Variants in CACNA1C observed in about 807,000 individuals in gnomAD.
CACNA1C encodes calcium voltage-gated channel subunit alpha1 C.
Under a neutral mutation model 229.0 loss-of-function variants are expected in CACNA1C, and 30 were observed. The ratio of observed to expected loss-of-function variants is 0.13; its 90% CI spans 0.10 to 0.18. CACNA1C has a LOEUF of 0.18. Among genes scored for constraint, CACNA1C ranks in the 10% least tolerant of loss-of-function variants. CACNA1C has a pLI of 1.00. For synonymous variants in CACNA1C, 1,114 were observed against 1,132.5 expected (o/e 0.98, Z 0.33); for missense variants, 1,658 against 2,845.0 (o/e 0.58, Z 9.49).
chr12:2,461,616 G>C (rs2099503462), intron 5 of CACNA1C, among the ~76,000 whole-genome samples: 1 of 152,142 alleles, frequency 6.6e-6, no homozygotes, highest in South Asian at 2.1e-4. Flanking sequence ...TAGATAATAA[G>C]TATCTTGCAC....
intron 3 of CACNA1C, among the ~76,000 whole-genome samples, chr12:2,123,398 G>T (rs1485729627): frequency 1.8e-5 from 2 of 111,148 alleles, no homozygotes; most frequent in Non-Finnish European, 3.8e-5. Flanking sequence ...AAAAAAAAAA[G>T]GTTAAGTCTG....
Position 2,653,691 on chromosome 12 carries a change from C to A in CACNA1C, c.4075-144C>A. ...GACCTTCTCGCAGGTTCCCCGTAGT[C>A]CTGTGGGACTCTTGGAAGTGTCCCC... On this transcript the variant is annotated intron_variant, in intron 32 of 46. Transcript: ENST00000399655. This position sits in a 1 kb window ranked among gnomAD's most constrained non-coding sequence, Gnocchi z 4.7. 1 of 686,790 alleles carries A rather than the reference C, an allele frequency of 1.5e-6. No homozygotes were observed. The highest frequency in any genetic ancestry group is 2.1e-5 in the Admixed American group (1 of 46,624). 42.5% of individuals were successfully genotyped at this position (686,790 alleles called of 1,614,324 possible).
chr12:2,000,482 A>T (rs1369563980), intron 1 of CACNA1C, among the ~76,000 whole-genome samples: 1 of 151,958 alleles, frequency 6.6e-6, no homozygotes, highest in African/African-American at 2.4e-5. Context: ...AAAAAAAAAA[A>T]CCTTTAATGC....
Position 2,665,501 on chromosome 12 carries a change from G to C in CACNA1C, c.4399-80G>C. The C allele has an allele frequency of 6.7e-7, 1 of 1,493,114 alleles. No individual in the cohort carries two copies. The highest frequency in any genetic ancestry group is 9.3e-7 in the Non-Finnish European group (1 of 1,079,308). 92.5% of individuals were successfully genotyped at this position (1,493,114 alleles called of 1,614,324 possible). ...AAATGTTGGCTTCTGCCATCAGTAG[G>C]CCCCAGCTGGCAAGGGGGTTCCAGA... is the stretch of plus-strand genomic sequence containing the variant. On this transcript the variant is annotated intron_variant, in intron 35 of 46. Transcript: ENST00000399655. The surrounding 1 kb of genome is among the most constrained non-coding windows in gnomAD (Gnocchi z 5.9).
At position 2,595,004 on chromosome 12, in the gene CACNA1C, G is replaced by T. The variant is rs1362695308; in HGVS notation, c.2664-870G>T. Among the ~76,000 whole-genome samples the T allele has an allele frequency of 6.6e-6, 1 of 152,212 alleles. No individual in the cohort carries two copies. Among genetic ancestry groups the T allele is most frequent in the East Asian group, 1.9e-4 (1 of 5,196 alleles). On this transcript the variant is annotated intron_variant, in intron 19 of 46. Transcript: ENST00000399655. This position sits in a 1 kb window ranked among gnomAD's most constrained non-coding sequence, Gnocchi z 4.1. ...CATACGTAGCCTCAGCTCAGTGGAG[G>T]TTGGTGGGAGGGGTTGTTGGTTTGA...
At position 2,654,828 on chromosome 12, in the gene CACNA1C, G is replaced by C. The variant is rs191148592; in HGVS notation, c.4141-319G>C. Reference sequence around the variant, plus strand: ...GAACTGAAATAGCAAAGAAAATAACGCAGTGCGTCCTGTGTCCTGTCAGAA... The same window carrying C: ...GAACTGAAATAGCAAAGAAAATAACCCAGTGCGTCCTGTGTCCTGTCAGAA... On this transcript the variant is annotated intron_variant, in intron 33 of 46. Transcript: ENST00000399655. The surrounding 1 kb of genome is among the most constrained non-coding windows in gnomAD (Gnocchi z 4.4). Among the ~76,000 whole-genome samples the C allele has an allele frequency of 1.1e-3, 168 of 152,284 alleles. No homozygotes were observed. The highest frequency in any genetic ancestry group is 9.3e-4 in the Non-Finnish European group (63 of 68,030).
intron 28 of CACNA1C, 43 bp downstream of exon 28, chr12:2,610,742 G>A (rs780472455): frequency 6.2e-7 from 1 of 1,604,340 alleles, no homozygotes; most frequent in South Asian, 1.1e-5. Flanking sequence ...GCAGAAGGGA[G>A]TGTGCCATGG....
At chr12:2,278,408 A>G (rs2089781085) in intron 3 of CACNA1C, among the ~76,000 whole-genome samples, 1 of 152,192 alleles carries the variant, frequency 6.6e-6, no homozygotes, top group Admixed American at 6.5e-5. Context: ...TAATCCCAGT[A>G]GCTCAGCCCT....
chr12:2,032,199 C>T (rs943937089), intron 1 of CACNA1C, among the ~76,000 whole-genome samples: 21 of 152,066 alleles, frequency 1.4e-4, no homozygotes, highest in African/African-American at 4.6e-4. Flanking sequence ...TGGTCCCAAA[C>T]ACCCATCCAT....
chr12:2,327,610 G>A (rs571370261), intron 3 of CACNA1C, among the ~76,000 whole-genome samples: 5 of 152,332 alleles, frequency 3.3e-5, no homozygotes, highest in Admixed American at 2.6e-4. Flanking sequence ...AGGTGTTCGT[G>A]TGGTGTGAGC....
chr12:2,389,797 C>T (rs1241679648), intron 3 of CACNA1C, among the ~76,000 whole-genome samples: 1 of 152,170 alleles, frequency 6.6e-6, no homozygotes, highest in Non-Finnish European at 1.5e-5. Context: ...TGGTGCTGCC[C>T]ACCCACCCTC....
intron 1 of CACNA1C, among the ~76,000 whole-genome samples, chr12:2,084,043 A>T: frequency 6.6e-6 from 1 of 152,230 alleles, no homozygotes; most frequent in East Asian, 1.9e-4. Flanking sequence ...TGCTGATAGT[A>T]TATCTGTCCT....
rs1341875728 is a variant in CACNA1C at position 2,348,090 on chromosome 12, G to A, written c.478-100886G>A. ...CTAGAAACTGCAGTGAGGTGACTGTGCGGCAGGCCCACTCTCAACTCGAGG... is the reference window on the plus strand; with the variant it reads ...CTAGAAACTGCAGTGAGGTGACTGTACGGCAGGCCCACTCTCAACTCGAGG... On this transcript the variant is annotated intron_variant, in intron 3 of 46. Transcript: ENST00000399655. This position sits in a 1 kb window ranked among gnomAD's most constrained non-coding sequence, Gnocchi z 4.7. Among the ~76,000 whole-genome samples the A allele has an allele frequency of 1.3e-5, 2 of 152,358 alleles. No homozygotes were observed. The highest frequency in any genetic ancestry group is 1.9e-4 in the East Asian group (1 of 5,170).
rs2075105528 is a variant in CACNA1C at position 2,605,914 on chromosome 12, A to G, written c.3156+128A>G. On this transcript the variant is annotated intron_variant, in intron 24 of 46. Coordinates refer to ENST00000399655, the MANE Select transcript of CACNA1C (RefSeq NM_000719.7). This position sits in a 1 kb window ranked among gnomAD's most constrained non-coding sequence, Gnocchi z 6.2. ...CAGACTTGGCTTGGATATAACCTCC[A>G]CCTGCAGCCCGACTCAACCTTCAGA... The G allele has an allele frequency of 3.0e-6, 2 of 673,608 alleles. No individual in the cohort carries two copies. Among genetic ancestry groups the G allele is most frequent in the Admixed American group, 4.6e-5 (2 of 43,102 alleles). The allele number at this position is 673,608 out of a possible 1,614,324, so 41.7% of individuals were successfully genotyped here.
intron 6 of CACNA1C, among the ~76,000 whole-genome samples, chr12:2,487,065 CT>C (rs1414053213): frequency 1.3e-5 from 2 of 152,160 alleles, no homozygotes. Context: ...GCAGCTTGGC[CT>C]TTTAAAGAAA....
intron 14 of CACNA1C, 135 bp from the exon 15 acceptor site, chr12:2,582,687 G>T: frequency 1.2e-6 from 1 of 857,512 alleles, no homozygotes; most frequent in Non-Finnish European, 1.8e-6. Context: ...AGGAGAATTG[G>T]GGGCCAGGAG....
intron 1 of CACNA1C, among the ~76,000 whole-genome samples, chr12:2,072,928 T>G (rs983017540): frequency 6.6e-6 from 1 of 152,128 alleles, no homozygotes; most frequent in African/African-American, 2.4e-5. Flanking sequence ...TTGACAGCCA[T>G]GTATTAAGTG....
At chr12:2,668,732 T>C (rs1250855696) in intron 37 of CACNA1C, 2 of 570,558 alleles carry the variant, frequency 3.5e-6, no homozygotes, top group Middle Eastern at 4.7e-4. Context: ...ACCAAGGGGA[T>C]GGTACCAAAC....
At position 2,410,308 on chromosome 12, in the gene CACNA1C, C is replaced by A. The variant is rs111306056; in HGVS notation, c.478-38668C>A. Reference sequence around the variant, plus strand: ...CACCACCCATTTTTGGAAACACAACCCTGGCCTCCCATTCACAGCAGAAAA... The same window carrying A: ...CACCACCCATTTTTGGAAACACAACACTGGCCTCCCATTCACAGCAGAAAA... On this transcript the variant is annotated intron_variant, in intron 3 of 46. Transcript: ENST00000399655. The surrounding 1 kb of genome is among the most constrained non-coding windows in gnomAD (Gnocchi z 5.3). Among the ~76,000 whole-genome samples, 911 of 152,286 alleles carry A rather than the reference C, an allele frequency of 6.0e-3. 4 individuals carry two copies. Among genetic ancestry groups the A allele is most frequent in the African/African-American group, 0.019 (772 of 41,564 alleles).
Sources: gnomAD v4.1 joint callset for allele counts (sites outside exome capture counted in the v4.1 genomes callset) on GRCh38, gnomAD v4.1.1 for gene constraint, Gnocchi (gnomAD v3.1) non-coding constraint, MANE v1.5 for transcripts, NCBI Gene and HGNC (gene_info 2026-07-23, HGNC 2026-07-21) for gene names.